Variants in NLGN4X observed in about 807,000 individuals in gnomAD.
NLGN4X encodes neuroligin 4 X-linked.
Under a neutral mutation model 40.3 loss-of-function variants are expected in NLGN4X, and 3 were observed. The ratio of observed to expected loss-of-function variants is 0.07; its 90% confidence interval spans 0.03 to 0.19. NLGN4X has a LOEUF of 0.19. Ranked by LOEUF, NLGN4X falls within the 10% of genes least tolerant of loss-of-function variation. The pLI is 1.00. For synonymous variants in NLGN4X, 270 were observed against 306.8 expected (o/e 0.88, Z 1.25); for missense variants, 382 against 708.3 (o/e 0.54, Z 5.23).
At chrX:5,898,050 T>C (rs1292396647) in intron 5 of NLGN4X, among the ~76,000 whole-genome samples, 2 of 99,202 alleles carry the variant, frequency 2.0e-5, no homozygotes. Flanking sequence ...CCTCCATTTT[T>C]TCCTTCCTTC....
At chrX:6,107,929 C>T (rs866850429) in intron 2 of NLGN4X, among the ~76,000 whole-genome samples, 15 of 112,225 alleles carry the variant, frequency 1.3e-4, no homozygotes, top group African/African-American at 3.9e-4. Context: ...AGATGTACTA[C>T]ATTTTCTTTA....
At chrX:5,937,063 C>T (rs2033756410) in intron 3 of NLGN4X, among the ~76,000 whole-genome samples, 1 of 111,014 alleles carries the variant, frequency 9.0e-6, no homozygotes, top group Non-Finnish European at 1.9e-5. Flanking sequence ...CTCTCTCTCT[C>T]TCTTACACAT....
intron 1 of NLGN4X, among the ~76,000 whole-genome samples, chrX:6,193,236 C>T (rs1016571149): frequency 1.8e-5 from 2 of 109,768 alleles, no homozygotes; most frequent in Admixed American, 1.9e-4. Context: ...GGTGAAACCC[C>T]GTCTCTACTA....
At chrX:6,135,407 T>C (rs1307898508) in intron 2 of NLGN4X, among the ~76,000 whole-genome samples, 1 of 111,993 alleles carries the variant, frequency 8.9e-6, no homozygotes, top group Non-Finnish European at 1.9e-5. Flanking sequence ...GGTAAGGTTT[T>C]GCCCCAAGTT....
At chrX:6,016,241 G>A (rs2036392456) in intron 3 of NLGN4X, among the ~76,000 whole-genome samples, 1 of 111,973 alleles carries the variant, frequency 8.9e-6, no homozygotes, top group South Asian at 3.7e-4. Flanking sequence ...AAGACACGCA[G>A]AACAACCTCT....
chrX:6,045,537 T>C (rs1024391923), intron 2 of NLGN4X, among the ~76,000 whole-genome samples: 2 of 111,608 alleles, frequency 1.8e-5, no homozygotes, highest in African/African-American at 6.5e-5. Context: ...GTAAGATGGT[T>C]CAATGGGAAG....
At chrX:5,957,626 A>T (rs1365816215) in intron 3 of NLGN4X, among the ~76,000 whole-genome samples, 1 of 111,990 alleles carries the variant, frequency 8.9e-6, no homozygotes, top group Non-Finnish European at 1.9e-5. Flanking sequence ...TGGTGAAGTA[A>T]AATTGCAGGA....
intron 2 of NLGN4X, among the ~76,000 whole-genome samples, chrX:6,052,820 G>A (rs1057350196): frequency 2.7e-5 from 3 of 112,604 alleles, no homozygotes; most frequent in Non-Finnish European, 5.6e-5. Flanking sequence ...GCACATATCA[G>A]TAGATTCCAT....
intron 3 of NLGN4X, among the ~76,000 whole-genome samples, chrX:6,001,578 G>C (rs1219801484): frequency 8.9e-6 from 1 of 111,814 alleles, no homozygotes. Flanking sequence ...GATCGGTGGG[G>C]TTTGAAATAA....
intron 2 of NLGN4X, among the ~76,000 whole-genome samples, chrX:6,054,269 C>A (rs1304418954): frequency 9.0e-6 from 1 of 111,320 alleles, no homozygotes; most frequent in Non-Finnish European, 1.9e-5. Context: ...CCTATTCTGC[C>A]AACAATACTA....
At position 5,928,580 on chromosome X, in the gene NLGN4X, T is replaced by A. The variant is rs190112764; in HGVS notation, c.626-19341A>T. 3.8e-3 allele frequency among the ~76,000 whole-genome samples: 422 copies of A among 112,130 alleles called. 2 individuals are homozygous for A. The highest frequency in any genetic ancestry group is 0.013 in the African/African-American group (400 of 30,890). ...CTTGCTGGATTCATTTATCTTTCAA[T>A]AGACAATAAATAGCAGAGCTTTTGA... On this transcript the variant is annotated intron_variant, in intron 3 of 5. Coordinates refer to ENST00000381095, the MANE Select transcript of NLGN4X (RefSeq NM_181332.3).
At chrX:6,084,606 G>T (rs951218217) in intron 2 of NLGN4X, among the ~76,000 whole-genome samples, 11 of 111,760 alleles carry the variant, frequency 9.8e-5, no homozygotes, top group African/African-American at 3.6e-4. Flanking sequence ...GTTGTCCTAT[G>T]GTGTGAATGT....
chrX:5,931,753 A>G (rs2033552127), intron 3 of NLGN4X, among the ~76,000 whole-genome samples: 1 of 111,674 alleles, frequency 9.0e-6, no homozygotes, highest in African/African-American at 3.3e-5. Flanking sequence ...ACGAGGCATC[A>G]ATCTGCGGAA....
chrX:5,892,458 A>G lies in NLGN4X; in HGVS notation c.*359T>C, dbSNP rs916600245. 9 of 231,118 alleles carry G rather than the reference A, an allele frequency of 3.9e-5. No individual in the cohort carries two copies. Among genetic ancestry groups the G allele is most frequent in the Non-Finnish European group, 6.3e-5 (8 of 127,673 alleles). 19.0% of individuals were successfully genotyped at this position (231,118 alleles called of 1,213,427 possible). A position where few individuals can be genotyped will look rare whatever the true frequency, so the allele number is the denominator to read the frequency against. On this transcript the variant is annotated 3_prime_UTR_variant, in exon 6 of 6. Coordinates refer to ENST00000381095, the MANE Select transcript of NLGN4X (RefSeq NM_181332.3). ...TATCAAGTGTCCTTGGCTGAGTTTC[A>G]GAAGTGTCAGCTGCTTCCATGACGT... is the stretch of plus-strand genomic sequence containing the variant.
At chrX:6,180,496 G>C (rs1372443565) in intron 1 of NLGN4X, among the ~76,000 whole-genome samples, 1 of 111,550 alleles carries the variant, frequency 9.0e-6, no homozygotes, top group African/African-American at 3.3e-5. Context: ...CTCTCCAGAA[G>C]CAAAAACCCC....
At chrX:6,046,609 A>G (rs1021265404) in intron 2 of NLGN4X, among the ~76,000 whole-genome samples, 4 of 111,527 alleles carry the variant, frequency 3.6e-5, no homozygotes, top group African/African-American at 1.3e-4. Context: ...ATATTTATTA[A>G]TAAAGAAGGC....
chrX:5,921,391 CAGAGAGAGAGAG>C lies in NLGN4X; in HGVS notation c.626-12164_626-12153del, dbSNP rs56879029. ...TGACTCAGCGGCATTGAAAATGAACCAGAGAGAGAGAGAGAGAGAGAGAGAGAGAGAGAGAGA... is the reference window on the plus strand; with the variant it reads ...TGACTCAGCGGCATTGAAAATGAACCAGAGAGAGAGAGAGAGAGAGAGAGA... On this transcript the variant is annotated intron_variant, in intron 3 of 5. Transcript: ENST00000381095. Among the ~76,000 whole-genome samples the C allele has an allele frequency of 2.6e-3, 138 of 53,084 alleles. 1 individual carries two copies. The East Asian group carries it at 0.033, about 13-fold the overall frequency. The allele number at this position is 53,084 out of a possible 115,157, so 46.1% of individuals were successfully genotyped here.
At chrX:5,929,803 G>T (rs2033482419) in intron 3 of NLGN4X, among the ~76,000 whole-genome samples, 1 of 112,530 alleles carries the variant, frequency 8.9e-6, no homozygotes, top group African/African-American at 3.2e-5. Flanking sequence ...CCTTCATAAG[G>T]CAATGAAGAC....
intron 5 of NLGN4X, among the ~76,000 whole-genome samples, chrX:5,899,959 G>T (rs1157023090): frequency 8.9e-6 from 1 of 112,046 alleles, no homozygotes; most frequent in Non-Finnish European, 1.9e-5. Context: ...GACCAAGTCG[G>T]TAATACGTTT....
Sources: allele counts gnomAD v4.1 joint callset (sites outside exome capture counted in the v4.1 genomes callset), GRCh38; gene constraint gnomAD v4.1.1; transcripts MANE v1.5; gene names NCBI Gene and HGNC (gene_info 2026-07-23, HGNC 2026-07-21).